The following ABR variants were observed in gnomAD, a reference collection of about 807,000 sequenced individuals.
The protein encoded by ABR is active breakpoint cluster region-related protein.
In ABR, 35 loss-of-function variants were observed where a neutral mutation model predicts 107.2. The observed-to-expected ratio is 0.33, with a 90% CI of 0.25 to 0.43. The LOEUF (loss-of-function observed/expected upper bound fraction) is 0.43. Among genes scored for constraint, ABR ranks in the 20% least tolerant of loss-of-function variants. The pLI is 1.00. For synonymous variants in ABR, 498 were observed against 462.0 expected (o/e 1.08, Z -1.00); for missense variants, 815 against 1,115.2 (o/e 0.73, Z 3.83).
At chr17:1,056,004 C>T (rs1465551150) in intron 14 of ABR, 31 bp downstream of exon 14, 1 of 1,601,612 alleles carries the variant, frequency 6.2e-7, no homozygotes, top group Non-Finnish European at 8.6e-7. Flanking sequence ...CACAATGGCC[C>T]ACCCAACCTC....
chr17:1,180,182 G>T (rs2042085485), upstream of ABR, among the ~76,000 whole-genome samples: 1 of 151,942 alleles, frequency 6.6e-6, no homozygotes, highest in South Asian at 2.1e-4. Flanking sequence ...GTCTCGGGGG[G>T]TCTCCAGGCG....
intron 1 of ABR, among the ~76,000 whole-genome samples, chr17:1,153,441 G>A (rs2245579): frequency 0.3 from 15,884 of 53,014 alleles, 554 homozygotes; most frequent in East Asian, 0.4. Flanking sequence ...CGGGAGGGCT[G>A]GGGGTCCAGG....
upstream of ABR, among the ~76,000 whole-genome samples, chr17:1,184,741 C>A (rs903726582): frequency 1.3e-5 from 2 of 151,308 alleles, no homozygotes; most frequent in African/African-American, 4.9e-5. Context: ...CAGCTCACTG[C>A]AGCCTTGAAC....
chr17:1,135,195 G>C (rs552966169), intron 1 of ABR, among the ~76,000 whole-genome samples: 5 of 152,074 alleles, frequency 3.3e-5, no homozygotes, highest in Admixed American at 1.3e-4. Context: ...GTGAGCAGAG[G>C]GGGAGAGGGC....
Position 1,051,013 on chromosome 17 carries a change from A to C in ABR, c.1562-379T>G, listed in dbSNP as rs2032441877. On this transcript the variant is annotated intron_variant, in intron 14 of 22. Coordinates refer to ENST00000302538, the MANE Select transcript of ABR (RefSeq NM_021962.5). The surrounding 1 kb of genome is among the most constrained non-coding windows in gnomAD (Gnocchi z 4.3). ...CCACATCTTCCTCACCATGGAGACG[A>C]CACCACAAACTCTTCACTGACCGCC... Among the ~76,000 whole-genome samples, 1 of 152,000 alleles carries C rather than the reference A, an allele frequency of 6.6e-6. No individual in the cohort carries two copies. The highest frequency in any genetic ancestry group is 1.5e-5 in the Non-Finnish European group (1 of 67,998).
chr17:1,160,132 G>A (rs1305625854), intron 1 of ABR, among the ~76,000 whole-genome samples: 36 of 152,176 alleles, frequency 2.4e-4, no homozygotes, highest in African/African-American at 2.4e-5. Flanking sequence ...GTCTAGGGCC[G>A]CTGTACCTCT....
At chr17:1,227,470 T>C (rs1370994486) in intron 1 of ABR, among the ~76,000 whole-genome samples, 1 of 152,252 alleles carries the variant, frequency 6.6e-6, no homozygotes, top group Non-Finnish European at 1.5e-5. Context: ...GAGCATTGCC[T>C]GTGGGAAACA....
At position 1,104,556 on chromosome 17, in the gene ABR, G is replaced by T. The variant is rs146579257; in HGVS notation, c.247-3821C>A. 4.6e-5 allele frequency among the ~76,000 whole-genome samples: 7 copies of T among 152,302 alleles called. No homozygotes were observed. In the South Asian group the frequency reaches 1.2e-3, roughly 27 times the overall value. ...GCTGGCTGCCAGGAGTACCCAGCAG[G>T]ATCTGCTCAGAGTAGATGCCACTGG... On this transcript the variant is annotated intron_variant, in intron 2 of 22. Coordinates refer to ENST00000302538, the MANE Select transcript of ABR (RefSeq NM_021962.5).
At position 1,032,568 on chromosome 17, in the gene ABR, C is replaced by T. The variant is rs925871919; in HGVS notation, c.1791+17482G>A. Among the ~76,000 whole-genome samples, 15 of 105,460 alleles carry T rather than the reference C, an allele frequency of 1.4e-4. 1 individual carries two copies. The highest frequency in any genetic ancestry group is 7.2e-4 in the Admixed American group (7 of 9,704). 69.2% of individuals were successfully genotyped at this position (105,460 alleles called of 152,430 possible). A position where few individuals can be genotyped will look rare whatever the true frequency, so the allele number is the denominator to read the frequency against. On this transcript the variant is annotated intron_variant, in intron 16 of 22. Coordinates refer to ENST00000302538, the MANE Select transcript of ABR (RefSeq NM_021962.5). ...GACGCCACGGGCAACCACCCGCGTC[C>T]GTGCTGGGCGCAGAGGACGCCACGG...
At chr17:1,132,381 T>TG (rs1207775321) in intron 1 of ABR, among the ~76,000 whole-genome samples, 4 of 42,648 alleles carry the variant, frequency 9.4e-5, no homozygotes, top group African/African-American at 3.1e-4. Context: ...AAAGCACTTT[T>TG]TTTTTTTTTT....
intron 5 of ABR, among the ~76,000 whole-genome samples, chr17:1,081,651 A>C (rs2036244843): frequency 1.3e-5 from 2 of 152,018 alleles, no homozygotes; most frequent in South Asian, 4.2e-4. Flanking sequence ...ATCGCAGCTC[A>C]CTGCAACCTC....
At chr17:1,006,786 C>A (rs2241928) in intron 22 of ABR, among the ~76,000 whole-genome samples, 2 of 125,630 alleles carry the variant, frequency 1.6e-5, no homozygotes, top group East Asian at 4.7e-4. Flanking sequence ...TGCGCCATGA[C>A]GTCATGGGAC....
intron 1 of ABR, among the ~76,000 whole-genome samples, chr17:1,220,518 C>T (rs1372557804): frequency 6.6e-6 from 1 of 152,026 alleles, no homozygotes; most frequent in Non-Finnish European, 1.5e-5. Context: ...CTACACAGAG[C>T]GGTGGTGCAA....
At chr17:1,209,834 C>T (rs1555621476) in intron 1 of ABR, among the ~76,000 whole-genome samples, 1 of 152,150 alleles carries the variant, frequency 6.6e-6, no homozygotes, top group Non-Finnish European at 1.5e-5. Flanking sequence ...TATAATCACT[C>T]TAAATTTTCT....
chr17:1,135,615 C>T (rs746029760), intron 1 of ABR, among the ~76,000 whole-genome samples: 2 of 152,150 alleles, frequency 1.3e-5, no homozygotes, highest in Non-Finnish European at 2.9e-5. Context: ...GTGTCTCACA[C>T]CTGTAATCCC....
In ABR at chr17:1,202,719, C is replaced by G. The variant is rs141343335; in HGVS notation, c.838+26074G>C. Among the ~76,000 whole-genome samples, 517 of 152,182 alleles carry G rather than the reference C, an allele frequency of 3.4e-3. 1 individual carries two copies. Among genetic ancestry groups the G allele is most frequent in the Middle Eastern group, 0.017 (5 of 294 alleles). ...TCCGCTGACCCTTGATGAAATAGGCCTAGGTTTAGGGTTAGGAAACACTGC... is the reference window on the plus strand; with the variant it reads ...TCCGCTGACCCTTGATGAAATAGGCGTAGGTTTAGGGTTAGGAAACACTGC... On this transcript the variant is annotated intron_variant, in intron 1 of 22. Coordinates refer to the ABR transcript ENST00000574139.
At chr17:1,135,713 T>TA (rs1253462948) in intron 1 of ABR, among the ~76,000 whole-genome samples, 7 of 152,090 alleles carry the variant, frequency 4.6e-5, no homozygotes, top group East Asian at 1.9e-4. Context: ...CTGTCTCTAC[T>TA]AAAAATACAA....
intron 1 of ABR, among the ~76,000 whole-genome samples, chr17:1,166,259 C>T (rs1196592136): frequency 2.6e-5 from 4 of 152,070 alleles, no homozygotes; most frequent in African/African-American, 7.2e-5. Context: ...TGAGCAGGGA[C>T]GGGGGCAGGC....
chr17:1,123,285 G>C (rs2039433269), intron 2 of ABR, among the ~76,000 whole-genome samples: 1 of 152,162 alleles, frequency 6.6e-6, no homozygotes. Flanking sequence ...AGTCGATGGT[G>C]TAAACATCAA....
Sources: gnomAD v4.1 joint callset for allele counts (sites outside exome capture counted in the v4.1 genomes callset) on GRCh38, gnomAD v4.1.1 for gene constraint, Gnocchi (gnomAD v3.1) non-coding constraint, MANE v1.5 for transcripts, NCBI Gene and HGNC (gene_info 2026-07-23, HGNC 2026-07-21) for gene names.